The following CFAP20DC variants were observed in gnomAD, a reference collection of about 807,000 sequenced individuals.
CFAP20DC encodes CFAP20 domain containing.
Under a neutral mutation model 101.7 loss-of-function variants are expected in CFAP20DC, and 84 were observed. The observed-to-expected ratio is 0.83, with a 90% CI of 0.69 to 0.99. The LOEUF (loss-of-function observed/expected upper bound fraction) is 0.99, where lower values mean the gene tolerates loss of function less well. Ranked by LOEUF, CFAP20DC falls within the 50% of genes least tolerant of loss-of-function variation. The pLI, the probability that CFAP20DC is intolerant of heterozygous loss-of-function variation, is 0.00. For missense variants in CFAP20DC, 1,007 were observed against 970.3 expected, an observed-to-expected ratio of 1.04 and a Z score of -0.50; for synonymous variants, 359 against 351.2, an observed-to-expected ratio of 1.02 and a Z score of -0.25.
intron 10 of CFAP20DC, among the ~76,000 whole-genome samples, chr3:58,867,167 A>C (rs2079766620): frequency 6.6e-6 from 1 of 152,186 alleles, no homozygotes; most frequent in Non-Finnish European, 1.5e-5. Context: ...TAGCAGGCTA[A>C]ATTTCAGCCA....
chr3:58,831,953 G>T, intron 13 of CFAP20DC, 64 bp from the exon 14 acceptor site: 1 of 1,421,774 alleles, frequency 7.0e-7, no homozygotes, highest in Non-Finnish European at 9.9e-7. Flanking sequence ...ACTAACAAAT[G>T]CCACAGCCTT....
intron 4 of CFAP20DC, among the ~76,000 whole-genome samples, chr3:58,939,624 A>T (rs1433349308): frequency 1.3e-5 from 2 of 151,482 alleles, no homozygotes; most frequent in Non-Finnish European, 2.9e-5. Flanking sequence ...ATGCCTGGCT[A>T]ATTTTTCGTA....
At position 58,912,685 on chromosome 3, in the gene CFAP20DC, T is replaced by G; in HGVS notation, c.550+1023A>C. 2.2e-6 allele frequency: 1 copy of G among 452,842 alleles called. No individual in the cohort carries two copies. Among genetic ancestry groups the G allele is most frequent in the Non-Finnish European group, 4.4e-6 (1 of 225,932 alleles). 28.1% of individuals were successfully genotyped at this position (452,842 alleles called of 1,614,324 possible). On this transcript the variant is annotated intron_variant, in intron 6 of 16. Coordinates refer to ENST00000482387, the MANE Select transcript of CFAP20DC (RefSeq NM_001394063.1). This position sits in a 1 kb window ranked among gnomAD's most constrained non-coding sequence, Gnocchi z 4.4. ...GTATTCTTTCAATACTTTTGGTTGT[T>G]TAAAACCATCTGAGCAGTATGGTGT...
intron 5 of CFAP20DC, among the ~76,000 whole-genome samples, chr3:58,927,985 A>C (rs762224319): frequency 6.6e-6 from 1 of 152,234 alleles, no homozygotes; most frequent in Non-Finnish European, 1.5e-5. Context: ...TAATATTTGA[A>C]TACTCCTCGG....
At chr3:58,944,648 G>T (rs1320760142) in intron 4 of CFAP20DC, among the ~76,000 whole-genome samples, 1 of 152,188 alleles carries the variant, frequency 6.6e-6, no homozygotes, top group Non-Finnish European at 1.5e-5. Flanking sequence ...ACAGTATGGT[G>T]AGAACCACAG....
In CFAP20DC at chr3:59,029,202, G is replaced by A. The variant is rs117266515; in HGVS notation, c.278+10355C>T. On this transcript the variant is annotated intron_variant, in intron 4 of 16. Transcript: ENST00000482387. Reference sequence around the variant, plus strand: ...ATGTCCGTATTTCAGAGCCTATTACGTGTCATGCCTTGTGCTGGGCGCTGG... The same window carrying A: ...ATGTCCGTATTTCAGAGCCTATTACATGTCATGCCTTGTGCTGGGCGCTGG... 4.7e-4 allele frequency among the ~76,000 whole-genome samples: 71 copies of A among 152,178 alleles called. No individual in the cohort carries two copies. In the East Asian group the frequency reaches 5.0e-3, roughly 11 times the overall value.
At position 58,874,303 on chromosome 3, in the gene CFAP20DC, G is replaced by A. The variant is rs1181997747; in HGVS notation, c.716-3994C>T. Among the ~76,000 whole-genome samples the A allele has an allele frequency of 6.6e-6, 1 of 152,098 alleles. No homozygotes were observed. Among genetic ancestry groups the A allele is most frequent in the Non-Finnish European group, 1.5e-5 (1 of 68,028 alleles). ...CAGCACTGACATCCTCTTCCTCCTG[G>A]ATGATGACAAAGCCTTACTGTGTGA... On this transcript the variant is annotated intron_variant, in intron 7 of 16. Transcript: ENST00000482387. The surrounding 1 kb of genome is among the most constrained non-coding windows in gnomAD (Gnocchi z 5.1).
At chr3:59,010,830 A>G (rs1219146203) in intron 4 of CFAP20DC, among the ~76,000 whole-genome samples, 6 of 152,242 alleles carry the variant, frequency 3.9e-5, no homozygotes, top group African/African-American at 1.4e-4. Context: ...GTCTCAATAC[A>G]TTTAAGAAAA....
intron 3 of CFAP20DC, among the ~76,000 whole-genome samples, chr3:59,043,342 G>C (rs542313105): frequency 6.6e-5 from 10 of 152,116 alleles, no homozygotes; most frequent in African/African-American, 2.2e-4. Context: ...TCTTGGGTAT[G>C]AGTGAGGAAA....
intron 2 of CFAP20DC, 32 bp downstream of exon 2, chr3:59,047,133 T>C (rs1352226105): frequency 1.5e-6 from 2 of 1,357,808 alleles, no homozygotes; most frequent in African/African-American, 1.4e-5. Context: ...TTTCTTCCCC[T>C]GATTTATGTG....
chr3:58,957,242 CAT>C (rs1224102126), intron 4 of CFAP20DC, among the ~76,000 whole-genome samples: 2 of 152,156 alleles, frequency 1.3e-5, no homozygotes, highest in Non-Finnish European at 2.9e-5. Flanking sequence ...AGCAAACACA[CAT>C]ATAAAAATGT....
chr3:58,878,900 CA>C (rs1239411470), intron 7 of CFAP20DC, among the ~76,000 whole-genome samples: 1 of 151,908 alleles, frequency 6.6e-6, no homozygotes, highest in Non-Finnish European at 1.5e-5. Context: ...CCCAGCTACT[CA>C]GGAGGCTGAG....
intron 3 of CFAP20DC, among the ~76,000 whole-genome samples, chr3:58,720,351 C>T (rs114099988): frequency 0.011 from 1,628 of 152,246 alleles, 41 homozygotes; most frequent in African/African-American, 0.038. Context: ...TATAAACATA[C>T]CATAGAGAGT....
Position 58,722,702 on chromosome 3 carries a change from C to G in CFAP20DC, c.198-5074G>C, listed in dbSNP as rs1422440190. Among the ~76,000 whole-genome samples the G allele has an allele frequency of 6.6e-6, 1 of 152,166 alleles. No homozygotes were observed. The highest frequency in any genetic ancestry group is 1.5e-5 in the Non-Finnish European group (1 of 68,024). On this transcript the variant is annotated intron_variant, in intron 3 of 3. Transcript: ENST00000486145. The surrounding 1 kb of genome is among the most constrained non-coding windows in gnomAD (Gnocchi z 4.5). ...CTGACTGTGATTTTCTGCCCGAGTC[C>G]TTATTTAATTGTTATTTTGGGATCA...
At chr3:59,047,119 C>A in intron 2 of CFAP20DC, 46 bp downstream of exon 2, 1 of 1,248,250 alleles carries the variant, frequency 8.0e-7, no homozygotes, top group South Asian at 1.3e-5. Flanking sequence ...AAGCTTCACT[C>A]ACATTTCTTC....
chr3:58,813,582 C>T (rs956022443), intron 14 of CFAP20DC, among the ~76,000 whole-genome samples: 1 of 151,856 alleles, frequency 6.6e-6, no homozygotes, highest in African/African-American at 2.4e-5. Flanking sequence ...AGAGCTCATA[C>T]TCCTTAGCTT....
At chr3:58,958,741 C>T (rs1458988523) in intron 4 of CFAP20DC, among the ~76,000 whole-genome samples, 18 of 151,866 alleles carry the variant, frequency 1.2e-4, no homozygotes, top group African/African-American at 4.4e-4. Flanking sequence ...GGTTTTTAGC[C>T]CTTTGTCTTT....
intron 7 of CFAP20DC, among the ~76,000 whole-genome samples, chr3:58,870,894 C>CAAAAGAAA (rs2080134977): frequency 5.3e-5 from 1 of 18,952 alleles, no homozygotes; most frequent in Non-Finnish European, 1.6e-4. Flanking sequence ...GACTCCGTCT[C>CAAAAGAAA]AAAAAAAAAA....
chr3:59,027,895 T>C (rs1576767161), intron 4 of CFAP20DC, among the ~76,000 whole-genome samples: 1 of 152,198 alleles, frequency 6.6e-6, no homozygotes, highest in East Asian at 1.9e-4. Flanking sequence ...AAACCTGTTG[T>C]TTTACCTTCA....
Sources: allele counts gnomAD v4.1 joint callset (sites outside exome capture counted in the v4.1 genomes callset), GRCh38; gene constraint gnomAD v4.1.1; non-coding constraint Gnocchi (gnomAD v3.1); transcripts MANE v1.5; gene names NCBI Gene and HGNC (gene_info 2026-07-23, HGNC 2026-07-21).